CCDC7: variants seen among roughly 807,000 people sequenced by gnomAD.
CCDC7 encodes coiled-coil domain-containing protein 7.
In CCDC7, 183 loss-of-function variants were observed where a neutral mutation model predicts 196.9. That is an observed-to-expected ratio of 0.93 (90% CI 0.82 to 1.05). The LOEUF is 1.05. Ranked by LOEUF, CCDC7 falls within the 50% of genes least tolerant of loss-of-function variation. The pLI is 0.00. For missense variants in CCDC7, 1,540 were observed against 1,482.2 expected, an observed-to-expected ratio of 1.04 and a Z score of -0.64; for synonymous variants, 525 against 484.6, an observed-to-expected ratio of 1.08 and a Z score of -1.10.
chr10:32,563,715 A>C lies in CCDC7; in HGVS notation c.1135-1843A>C, dbSNP rs553450555. On this transcript the variant is annotated intron_variant, in intron 13 of 41. Coordinates refer to ENST00000639629, the Ensembl canonical transcript of CCDC7. ...AAAAACCCTAGAAGAAAACCTAGGC[A>C]TTACCATTCAGGACATAGGCATGGG... 3.3e-5 allele frequency among the ~76,000 whole-genome samples: 5 copies of C among 152,330 alleles called. No homozygotes were observed. The South Asian group carries it at 1.0e-3, about 32-fold the overall frequency.
intron 13 of CCDC7, among the ~76,000 whole-genome samples, chr10:32,549,706 C>T (rs561407737): frequency 1.4e-4 from 22 of 152,160 alleles, no homozygotes; most frequent in South Asian, 8.3e-4. Flanking sequence ...TTTGCTTTGT[C>T]GAAGATCAGT....
intron 20 of CCDC7, among the ~76,000 whole-genome samples, chr10:32,652,183 A>G (rs916699873): frequency 2.6e-5 from 4 of 152,114 alleles, no homozygotes; most frequent in African/African-American, 7.2e-5. Flanking sequence ...TTATATTTTT[A>G]AAATAATTTT....
At chr10:32,475,321 C>T (rs1391986214) in intron 8 of CCDC7, among the ~76,000 whole-genome samples, 1 of 152,184 alleles carries the variant, frequency 6.6e-6, no homozygotes, top group Non-Finnish European at 1.5e-5. Flanking sequence ...CACTTTATTT[C>T]CATATGTACT....
chr10:32,797,476 G>A (rs1456667249), intron 29 of CCDC7, among the ~76,000 whole-genome samples: 1 of 151,868 alleles, frequency 6.6e-6, no homozygotes, highest in Non-Finnish European at 1.5e-5. Context: ...GGATGCAAAG[G>A]CATAAGAATG....
chr10:32,751,342 A>T lies in CCDC7; in HGVS notation c.2905+21885A>T, dbSNP rs549238752. Among the ~76,000 whole-genome samples the T allele has an allele frequency of 2.0e-5, 3 of 152,056 alleles. No homozygotes were observed. In the East Asian group the frequency reaches 5.8e-4, roughly 29 times the overall value. On this transcript the variant is annotated intron_variant, in intron 28 of 41. Transcript: ENST00000639629. ...TTCCAATTATTGAGATCAAGCCAGT[A>T]CCGAAACTTTTTTCTCTGTGTCGAT...
intron 41 of CCDC7, among the ~76,000 whole-genome samples, 180 bp from the exon 43 acceptor site, chr10:32,876,167 A>G (rs1276432621): frequency 6.6e-6 from 1 of 152,100 alleles, no homozygotes; most frequent in African/African-American, 2.4e-5. Flanking sequence ...CTCTAAGTTG[A>G]GAATGTCACA....
intron 21 of CCDC7, among the ~76,000 whole-genome samples, chr10:32,681,118 C>T (rs992442831): frequency 3.3e-5 from 5 of 152,182 alleles, no homozygotes; most frequent in Non-Finnish European, 5.9e-5. Flanking sequence ...CTCAGATTTT[C>T]CAGGAATTAG....
chr10:32,475,658 G>A (rs937015109), intron 8 of CCDC7, among the ~76,000 whole-genome samples: 13 of 152,120 alleles, frequency 8.5e-5, no homozygotes, highest in Non-Finnish European at 1.5e-5. Flanking sequence ...AGCTTTACTA[G>A]TATTGACCTA....
chr10:32,643,882 T>A (rs115384320), intron 20 of CCDC7, among the ~76,000 whole-genome samples: 2,301 of 142,802 alleles, frequency 0.016, 65 homozygotes, highest in African/African-American at 0.065. Flanking sequence ...TTTTCAAAAT[T>A]ATTTTGAAAA....
chr10:32,798,151 T>G (rs2134908992), intron 29 of CCDC7, among the ~76,000 whole-genome samples: 1 of 152,312 alleles, frequency 6.6e-6, no homozygotes. Flanking sequence ...GGAGTACGTG[T>G]CTATTCTGGT....
intron 9 of CCDC7, chr10:32,512,299 T>C (rs1171483738): frequency 6.6e-6 from 1 of 152,410 alleles, no homozygotes; most frequent in African/African-American, 2.4e-5. Flanking sequence ...AAAGCAGTCC[T>C]GTTAAGAATT....
At chr10:32,518,468 T>A (rs777172712) in exon 11 of CCDC7, 1 of 1,607,356 alleles carries the variant, frequency 6.2e-7, no homozygotes, top group East Asian at 2.3e-5. Flanking sequence ...GAGAAGTTGG[T>A]GCTGGAAAAT....
chr10:32,503,071 T>C (rs1589266025), intron 9 of CCDC7, among the ~76,000 whole-genome samples: 1 of 152,202 alleles, frequency 6.6e-6, no homozygotes, highest in Non-Finnish European at 1.5e-5. Context: ...GTTTTCTATA[T>C]AGGAAAGTAT....
chr10:32,602,883 A>C (rs975305160), intron 18 of CCDC7, among the ~76,000 whole-genome samples: 1 of 152,216 alleles, frequency 6.6e-6, no homozygotes, highest in African/African-American at 2.4e-5. Flanking sequence ...GGATATATGC[A>C]TACAATGTGT....
intron 21 of CCDC7, among the ~76,000 whole-genome samples, chr10:32,676,790 C>A (rs1030546254): frequency 9.9e-5 from 15 of 152,166 alleles, no homozygotes; most frequent in East Asian, 3.9e-4. Context: ...AACTAGTTCA[C>A]CCATTGTGGA....
chr10:32,847,535 CA>C (rs930127977), intron 37 of CCDC7, among the ~76,000 whole-genome samples: 1 of 151,738 alleles, frequency 6.6e-6, no homozygotes, highest in Non-Finnish European at 1.5e-5. Context: ...GACAACACAG[CA>C]AAACCCTATC....
intron 28 of CCDC7, among the ~76,000 whole-genome samples, chr10:32,749,490 A>G (rs1273856436): frequency 3.9e-5 from 6 of 152,198 alleles, no homozygotes; most frequent in African/African-American, 1.2e-4. Context: ...AGGTATATCT[A>G]TGAAATAGCA....
chr10:32,823,020 C>A (rs2090515775), intron 31 of CCDC7, among the ~76,000 whole-genome samples: 2 of 152,174 alleles, frequency 1.3e-5, no homozygotes, highest in Non-Finnish European at 2.9e-5. Flanking sequence ...TTACTTATAT[C>A]TGTAAGAGAA....
chr10:32,747,269 A>C (rs2074931009), intron 28 of CCDC7, among the ~76,000 whole-genome samples: 1 of 152,230 alleles, frequency 6.6e-6, no homozygotes, highest in African/African-American at 2.4e-5. Context: ...AAACCCTAGA[A>C]GGAAACCTAG....
Sources: gnomAD v4.1 joint callset for allele counts (sites outside exome capture counted in the v4.1 genomes callset) on GRCh38, gnomAD v4.1.1 for gene constraint, MANE v1.5 for transcripts, NCBI Gene and HGNC (gene_info 2026-07-23, HGNC 2026-07-21) for gene names.